FRYL: variants seen among roughly 807,000 people sequenced by gnomAD.
The protein encoded by FRYL is FRY like transcription coactivator, also known as protein furry homolog-like.
FRYL carries 150 observed loss-of-function variants against 351.2 expected under a neutral mutation model. The ratio of observed to expected loss-of-function variants is 0.43; its 90% CI spans 0.37 to 0.49. The LOEUF (loss-of-function observed/expected upper bound fraction) is 0.49, where lower values mean the gene tolerates loss of function less well. Ranked by LOEUF, FRYL falls within the 20% of genes least tolerant of loss-of-function variation. The probability of loss-of-function intolerance (pLI) is 0.00; values close to 1 mark genes in which losing one functional copy is unlikely to be tolerated. For missense variants in FRYL, 3,036 were observed against 3,619.3 expected, an observed-to-expected ratio of 0.84 and a Z score of 4.13; for synonymous variants, 1,153 against 1,257.1, an observed-to-expected ratio of 0.92 and a Z score of 1.75.
At chr4:48,502,952 G>A in intron 60 of FRYL, 107 bp from the exon 61 acceptor site, 1 of 811,318 alleles carries the variant, frequency 1.2e-6, no homozygotes, top group South Asian at 1.7e-5. Flanking sequence ...CAGGTAAACT[G>A]AAGAACATAT....
intron 30 of FRYL, 107 bp downstream of exon 30, chr4:48,564,826 A>C (rs79352370): frequency 1.6e-6 from 1 of 609,434 alleles, no homozygotes; most frequent in East Asian, 2.9e-5. Context: ...ATATGATCCT[A>C]ACCTATCTTA....
chr4:48,600,020 T>C (rs1290607162), intron 13 of FRYL, among the ~76,000 whole-genome samples: 1 of 151,792 alleles, frequency 6.6e-6, no homozygotes, highest in African/African-American at 2.4e-5. Flanking sequence ...GGCAGGAGAA[T>C]CGCTTGAGTC....
At chr4:48,650,053 CT>C in intron 3 of FRYL, among the ~76,000 whole-genome samples, 1 of 151,668 alleles carries the variant, frequency 6.6e-6, no homozygotes, top group East Asian at 1.9e-4. Flanking sequence ...TTTTTCATTT[CT>C]TTTTTTATAA....
chr4:48,579,823 G>T (rs768667042), intron 22 of FRYL, among the ~76,000 whole-genome samples: 1 of 152,012 alleles, frequency 6.6e-6, no homozygotes, highest in African/African-American at 2.4e-5. Context: ...AAAATGTTTT[G>T]AATTGTATAG....
chr4:48,580,810 G>A, intron 22 of FRYL, 55 bp downstream of exon 22: 1 of 1,065,440 alleles, frequency 9.4e-7, no homozygotes, highest in Non-Finnish European at 1.4e-6. Context: ...GTATACATAT[G>A]TGTCTGTCAT....
At chr4:48,680,822 C>A in intron 3 of FRYL, 1 of 330,064 alleles carries the variant, frequency 3.0e-6, no homozygotes, top group Non-Finnish European at 4.8e-6. Flanking sequence ...AATATTTAAA[C>A]TTGATTTTCA....
In FRYL at chr4:48,518,168, GTATGGTGTGATC is replaced by G. The variant is rs150767857; in HGVS notation, c.7689+2868_7689+2879del. On this transcript the variant is annotated intron_variant, in intron 55 of 63. Coordinates refer to ENST00000358350, the MANE Select transcript of FRYL (RefSeq NM_015030.2). ...CATTCTCATCCACTGGTGTTACGGT[GTATGGTGTGATC>G]TATGGTGTGATCCAAACTAGGCACT... is the stretch of plus-strand genomic sequence containing the variant. Among the ~76,000 whole-genome samples, 658 of 152,276 alleles carry G rather than the reference GTATGGTGTGATC, an allele frequency of 4.3e-3. 6 individuals are homozygous for G. The highest frequency in any genetic ancestry group is 0.014 in the African/African-American group (592 of 41,552).
chr4:48,762,128 A>C lies in FRYL; in HGVS notation c.-384+17950T>G, dbSNP rs1182474178. 3.9e-5 allele frequency among the ~76,000 whole-genome samples: 6 copies of C among 152,332 alleles called. No individual in the cohort carries two copies. In the East Asian group the frequency reaches 7.7e-4, roughly 20 times the overall value. On this transcript the variant is annotated intron_variant, in intron 1 of 63. Coordinates refer to ENST00000358350, the MANE Select transcript of FRYL (RefSeq NM_015030.2). ...CTCACCAGCATCCAACCATGCTGGC[A>C]TGCAGATCTCAGAATTCCAGCTGCC...
At chr4:48,546,468 T>G in intron 41 of FRYL, 197 bp from the exon 42 acceptor site, 2 of 584,980 alleles carry the variant, frequency 3.4e-6, no homozygotes, top group South Asian at 4.1e-5. Context: ...AAACATTGTT[T>G]CACAGCTTGA....
chr4:48,513,628 T>C (rs1480076730), intron 56 of FRYL, among the ~76,000 whole-genome samples: 1 of 152,194 alleles, frequency 6.6e-6, no homozygotes, highest in Non-Finnish European at 1.5e-5. Context: ...GAGCAATGCA[T>C]ATGGTCTTCC....
intron 13 of FRYL, among the ~76,000 whole-genome samples, chr4:48,597,586 TAA>T (rs911933899): frequency 3.9e-5 from 6 of 152,056 alleles, no homozygotes; most frequent in African/African-American, 1.4e-4. Flanking sequence ...CTAAAAAAAA[TAA>T]AGTCTTAAAT....
intron 26 of FRYL, among the ~76,000 whole-genome samples, chr4:48,572,944 A>G (rs1329681724): frequency 6.6e-6 from 1 of 152,224 alleles, no homozygotes; most frequent in Non-Finnish European, 1.5e-5. Flanking sequence ...GGTCCTTTGC[A>G]GAAAAAGTTT....
rs1373290711 is a variant in FRYL, at chr4:48,645,154, A to ATATATATATATATATATATATC, written c.-80-10665_-80-10664insGATATATATATATATATATATA. On this transcript the variant is annotated intron_variant, in intron 3 of 63. Coordinates refer to ENST00000358350, the MANE Select transcript of FRYL (RefSeq NM_015030.2). ...TATATATATATATATATATATATATATCAGACTGGCAAATACTAAAAAGAA... is the reference window on the plus strand; with the variant it reads ...TATATATATATATATATATATATATATATATATATATATATATATATCTCAGACTGGCAAATACTAAAAAGAA... Among the ~76,000 whole-genome samples the ATATATATATATATATATATATC allele has an allele frequency of 6.1e-4, 75 of 122,950 alleles. 3 individuals are homozygous for ATATATATATATATATATATATC. Among genetic ancestry groups the ATATATATATATATATATATATC allele is most frequent in the Non-Finnish European group, 1.2e-3 (65 of 56,288 alleles). The allele number at this position is 122,950 out of a possible 152,430, so 80.7% of individuals were successfully genotyped here.
chr4:48,561,725 T>A, intron 32 of FRYL, 89 bp from the exon 33 acceptor site: 1 of 1,037,786 alleles, frequency 9.6e-7, no homozygotes, highest in Non-Finnish European at 1.4e-6. Flanking sequence ...AAAAAAACTC[T>A]TCTCCCCAGC....
chr4:48,505,275 G>T lies in FRYL; in HGVS notation c.8463+272C>A, dbSNP rs1348617417. ...AAGAGGCACATGCAACTTAAAAGCC[G>T]ACCTGGACTGTCCAGATATCCATCA... On this transcript the variant is annotated intron_variant, in intron 60 of 63. Coordinates refer to ENST00000358350, the MANE Select transcript of FRYL (RefSeq NM_015030.2). 2.4e-5 allele frequency: 11 copies of T among 450,888 alleles called. No homozygotes were observed. In the Admixed American group the frequency reaches 3.4e-4, roughly 14 times the overall value. The allele number at this position is 450,888 out of a possible 1,614,324, so 27.9% of individuals were successfully genotyped here.
At position 48,540,431 on chromosome 4, in the gene FRYL, G is replaced by A; in HGVS notation, c.6217C>T (p.Gln2073Ter). 1 of 1,613,978 alleles carries A rather than the reference G, an allele frequency of 6.2e-7. No individual in the cohort carries two copies. Among genetic ancestry groups the A allele is most frequent in the Non-Finnish European group, 8.5e-7 (1 of 1,179,866 alleles). The change falls in exon 46 of 64, where the codon CAA becomes TAA. Residue 2073 changes from glutamine (Q) to a stop codon, truncating the protein, a stop_gained. Coordinates refer to ENST00000358350, the MANE Select transcript of FRYL (RefSeq NM_015030.2). LOFTEE classifies it high-confidence loss of function. ...CTGAGGAGGTGCACGGTCATTTCTT[G>A]TGTAGATGCTGAGGTAAAACCCTTA... ...FLKGFTSASTQEMTVHLLSKL... is the reference protein window; with the variant it reads ...FLKGFTSAST
intron 3 of FRYL, among the ~76,000 whole-genome samples, chr4:48,663,578 T>TTCCTGGCTAACACGG (rs1270010872): frequency 1.3e-5 from 2 of 151,084 alleles, no homozygotes; most frequent in Non-Finnish European, 3.0e-5. Flanking sequence ...GAGATCCCCC[T>TTCCTGGCTAACACGG]TCCTGGCTAA....
intron 23 of FRYL, among the ~76,000 whole-genome samples, chr4:48,576,837 T>A (rs1337689297): frequency 6.6e-6 from 1 of 152,204 alleles, no homozygotes; most frequent in African/African-American, 2.4e-5. Flanking sequence ...TAATCCCACA[T>A]GAAAATAAAC....
rs746464029 is a variant in FRYL at position 48,565,706 on chromosome 4, A to T, written c.3170-15T>A. ...TCTCTGGTGCACTGTGAATAAAAAA[A>T]GATAGAAAACATTTATTTCCATTTC... On this transcript the variant is annotated splice_polypyrimidine_tract_variant and intron_variant, in intron 28 of 63. Coordinates refer to ENST00000358350, the MANE Select transcript of FRYL (RefSeq NM_015030.2). 5 of 1,602,126 alleles carry T rather than the reference A, an allele frequency of 3.1e-6. No homozygotes were observed. Among genetic ancestry groups the T allele is most frequent in the Non-Finnish European group, 4.3e-6 (5 of 1,176,302 alleles).
Sources: gnomAD v4.1 joint callset for allele counts (sites outside exome capture counted in the v4.1 genomes callset) on GRCh38, gnomAD v4.1.1 for gene constraint, MANE v1.5 for transcripts, NCBI Gene and HGNC (gene_info 2026-07-23, HGNC 2026-07-21) for gene names.